ADAMTSL1: variants seen among roughly 807,000 people sequenced by gnomAD.
ADAMTSL1 encodes the protein ADAMTS like 1, also known as ADAMTS-like protein 1.
ADAMTSL1 carries 126 observed loss-of-function variants against 201.8 expected under a neutral mutation model. The ratio of observed to expected loss-of-function variants is 0.62; its 90% CI spans 0.54 to 0.72. The LOEUF (loss-of-function observed/expected upper bound fraction) is 0.72, where lower values mean the gene tolerates loss of function less well. ADAMTSL1 is among the 30% of genes least tolerant of loss of function. The pLI is 0.00. For synonymous variants in ADAMTSL1, 1,121 were observed against 903.4 expected (o/e 1.24, Z -4.32); for missense variants, 2,679 against 2,277.8 (o/e 1.18, Z -3.59).
At chr9:18,820,849 C>G (rs1227572885) in intron 21 of ADAMTSL1, among the ~76,000 whole-genome samples, 1 of 152,078 alleles carries the variant, frequency 6.6e-6, no homozygotes, top group Non-Finnish European at 1.5e-5. Flanking sequence ...AAAACTGAGT[C>G]GGCGATAAAG....
intron 2 of ADAMTSL1, among the ~76,000 whole-genome samples, chr9:18,294,161 C>T (rs554487796): frequency 1.1e-4 from 17 of 152,240 alleles, no homozygotes; most frequent in Admixed American, 3.9e-4. Flanking sequence ...TAAAATTTCA[C>T]GCCAAAAATC....
At chr9:18,728,656 C>T (rs1426717726) in intron 15 of ADAMTSL1, among the ~76,000 whole-genome samples, 1 of 152,140 alleles carries the variant, frequency 6.6e-6, no homozygotes, top group East Asian at 1.9e-4. Context: ...AGAAGGCTTC[C>T]TGGAGGAGGC....
At chr9:18,790,094 C>CA (rs942236928) in intron 19 of ADAMTSL1, among the ~76,000 whole-genome samples, 13 of 150,780 alleles carry the variant, frequency 8.6e-5, no homozygotes, top group South Asian at 2.1e-4. Context: ...TGTGTACCAT[C>CA]AAAAAAAAAT....
In ADAMTSL1 at chr9:18,777,015, T is replaced by A. The variant is rs764786962; in HGVS notation, c.2786T>A (p.Phe929Tyr). Residue 929 changes from phenylalanine (F) to tyrosine (Y), a missense_variant, in exon 19 of 29, where the codon TTC becomes TAC. By Grantham distance (22) the Phe-to-Tyr change is conservative (BLOSUM62 3). Coordinates refer to ENST00000380548, the MANE Select transcript of ADAMTSL1 (RefSeq NM_001040272.6). ...ISSTHVTVAP[F>Y]GYLKIHRLKP... ...TCGACGCACGTCACGGTGGCCCCCT[T>A]CGGCTATCTCAAGATCCACCGCCTC... The A allele has an allele frequency of 6.2e-7, 1 of 1,606,140 alleles. No individual in the cohort carries two copies. Among genetic ancestry groups the A allele is most frequent in the South Asian group, 1.1e-5 (1 of 90,500 alleles).
intron 1 of ADAMTSL1, among the ~76,000 whole-genome samples, chr9:18,125,081 C>G (rs1266629092): frequency 3.3e-5 from 5 of 152,138 alleles, no homozygotes; most frequent in Non-Finnish European, 7.3e-5. Flanking sequence ...CATTTTCACA[C>G]TGCTGATAAA....
At chr9:18,343,226 G>C (rs1835551413) in intron 2 of ADAMTSL1, among the ~76,000 whole-genome samples, 1 of 152,016 alleles carries the variant, frequency 6.6e-6, no homozygotes, top group Non-Finnish European at 1.5e-5. Flanking sequence ...AGGTCTTAAG[G>C]ATTTTCTTTC....
intron 23 of ADAMTSL1, among the ~76,000 whole-genome samples, chr9:18,862,342 C>T (rs1427943660): frequency 6.6e-6 from 1 of 152,116 alleles, no homozygotes; most frequent in African/African-American, 2.4e-5. Context: ...CTGCTGCTGG[C>T]TTTTGTTTTT....
At chr9:18,869,879 T>C (rs1374991540) in intron 23 of ADAMTSL1, among the ~76,000 whole-genome samples, 3 of 152,164 alleles carry the variant, frequency 2.0e-5, no homozygotes, top group African/African-American at 7.2e-5. Flanking sequence ...CAATATGTTT[T>C]AGTTATTTTC....
At chr9:18,468,047 C>G (rs1397774836) in intron 2 of ADAMTSL1, among the ~76,000 whole-genome samples, 1 of 152,120 alleles carries the variant, frequency 6.6e-6, no homozygotes, top group Non-Finnish European at 1.5e-5. Flanking sequence ...AACCATAATT[C>G]AAACCTCAAC....
At chr9:17,972,900 T>G (rs1818273688) in intron 1 of ADAMTSL1, among the ~76,000 whole-genome samples, 2 of 148,882 alleles carry the variant, frequency 1.3e-5, no homozygotes, top group African/African-American at 4.9e-5. Context: ...TGATTTGCAT[T>G]TCTCTGATGG....
chr9:18,070,943 A>T (rs1326763615), intron 1 of ADAMTSL1, among the ~76,000 whole-genome samples: 1 of 152,172 alleles, frequency 6.6e-6, no homozygotes, highest in African/African-American at 2.4e-5. Context: ...GAGAAGAAAC[A>T]TTGGGTGTTG....
At chr9:18,740,017 G>T (rs571767622) in intron 15 of ADAMTSL1, among the ~76,000 whole-genome samples, 2 of 152,168 alleles carry the variant, frequency 1.3e-5, no homozygotes, top group Non-Finnish European at 2.9e-5. Context: ...AAACTCCTGA[G>T]ACAGAGACAG....
rs199847490 is a variant in ADAMTSL1 at position 18,374,335 on chromosome 9, A to AT, written c.208-130484dup. ...ATTTATATTTATTTAATTTTTTTTAATTTTTTTTTTATTTTTTGGGATGGG... is the reference window on the plus strand; with the variant it reads ...ATTTATATTTATTTAATTTTTTTTAATTTTTTTTTTTATTTTTTGGGATGGG... On this transcript the variant is annotated intron_variant, in intron 2 of 29. Coordinates refer to the ADAMTSL1 transcript ENST00000680146. 6.6e-4 allele frequency among the ~76,000 whole-genome samples: 99 copies of AT among 149,164 alleles called. 1 individual carries two copies. The highest frequency in any genetic ancestry group is 3.7e-3 in the East Asian group (19 of 5,102).
chr9:18,275,403 G>A (rs1232156537), intron 2 of ADAMTSL1, among the ~76,000 whole-genome samples: 1 of 152,020 alleles, frequency 6.6e-6, no homozygotes, highest in African/African-American at 2.4e-5. Flanking sequence ...ACAGTTCTAT[G>A]AGTTTTGGTA....
At chr9:18,123,677 T>C (rs1264081737) in intron 1 of ADAMTSL1, among the ~76,000 whole-genome samples, 1 of 152,178 alleles carries the variant, frequency 6.6e-6, no homozygotes, top group Non-Finnish European at 1.5e-5. Context: ...TTAGTAAATT[T>C]ACAGAGTTGT....
chr9:18,272,183 A>G (rs373000884), intron 2 of ADAMTSL1, among the ~76,000 whole-genome samples: 1 of 152,182 alleles, frequency 6.6e-6, no homozygotes, highest in African/African-American at 2.4e-5. Flanking sequence ...AGCTGGAGGC[A>G]TCACACTACC....
intron 10 of ADAMTSL1, among the ~76,000 whole-genome samples, chr9:18,679,100 T>C (rs971456740): frequency 6.6e-6 from 1 of 152,116 alleles, no homozygotes; most frequent in East Asian, 1.9e-4. Flanking sequence ...GAAAACCCTT[T>C]GTAACTAGGA....
intron 1 of ADAMTSL1, among the ~76,000 whole-genome samples, chr9:17,969,847 T>C (rs919125808): frequency 2.0e-5 from 3 of 152,106 alleles, no homozygotes; most frequent in African/African-American, 7.2e-5. Context: ...ACAGTTACTT[T>C]AGGCATATGC....
chr9:18,258,195 A>G (rs1831768143), intron 2 of ADAMTSL1, among the ~76,000 whole-genome samples: 1 of 152,278 alleles, frequency 6.6e-6, no homozygotes, highest in African/African-American at 2.4e-5. Flanking sequence ...AAAAATAGGC[A>G]AAATGGCAAA....
Sources: allele counts gnomAD v4.1 joint callset (sites outside exome capture counted in the v4.1 genomes callset), GRCh38; gene constraint gnomAD v4.1.1; transcripts MANE v1.5; gene names NCBI Gene and HGNC (gene_info 2026-07-23, HGNC 2026-07-21).